Variants in RBFOX1 observed in about 807,000 individuals in gnomAD.
RBFOX1 encodes the protein RNA binding fox-1 homolog 1, also known as RNA binding protein fox-1 homolog 1.
A neutral mutation model predicts 57.7 loss-of-function variants in RBFOX1; 8 were observed. The ratio of observed to expected loss-of-function variants is 0.14; its 90% CI spans 0.08 to 0.25. The LOEUF (loss-of-function observed/expected upper bound fraction) is 0.25. Ranked by LOEUF, RBFOX1 falls within the 10% of genes least tolerant of loss-of-function variation. The pLI is 1.00. For missense variants in RBFOX1, 611 were observed against 548.5 expected, an observed-to-expected ratio of 1.11 and a Z score of -1.14; for synonymous variants, 326 against 222.4, an observed-to-expected ratio of 1.47 and a Z score of -4.15.
At chr16:5,567,625 A>C (rs903535573) in intron 2 of RBFOX1, among the ~76,000 whole-genome samples, 1 of 96,282 alleles carries the variant, frequency 1.0e-5, no homozygotes, top group East Asian at 4.2e-4. Flanking sequence ...GGGGGTATTC[A>C]GGTTATAGGC....
chr16:5,323,942 T>A (rs2064486734), intron 1 of RBFOX1, among the ~76,000 whole-genome samples: 1 of 152,212 alleles, frequency 6.6e-6, no homozygotes, highest in South Asian at 2.1e-4. Flanking sequence ...ACAGAGACGA[T>A]GTTATTTTTG....
chr16:5,451,672 G>T (rs1017596749), intron 1 of RBFOX1, among the ~76,000 whole-genome samples: 7 of 152,194 alleles, frequency 4.6e-5, no homozygotes, highest in African/African-American at 1.7e-4. Flanking sequence ...GGCTTCAAAG[G>T]AAGGAGAGAG....
chr16:5,493,338 C>T (rs948193742), intron 2 of RBFOX1, among the ~76,000 whole-genome samples: 1 of 152,190 alleles, frequency 6.6e-6, no homozygotes, highest in Non-Finnish European at 1.5e-5. Context: ...TCCCAAAGTC[C>T]TATGACCCAC....
intron 1 of RBFOX1, among the ~76,000 whole-genome samples, chr16:6,020,317 G>T (rs1452189277): frequency 6.6e-6 from 1 of 152,096 alleles, no homozygotes; most frequent in Non-Finnish European, 1.5e-5. Flanking sequence ...GGAGCAGCGG[G>T]AGCCTGCCTG....
chr16:7,340,443 C>G (rs2096870805), intron 4 of RBFOX1, among the ~76,000 whole-genome samples: 1 of 152,194 alleles, frequency 6.6e-6, no homozygotes, highest in Non-Finnish European at 1.5e-5. Flanking sequence ...GCAGGGATGG[C>G]TGTTTTACCT....
At chr16:6,968,204 G>T (rs139332378) in intron 3 of RBFOX1, among the ~76,000 whole-genome samples, 1 of 152,184 alleles carries the variant, frequency 6.6e-6, no homozygotes, top group South Asian at 2.1e-4. Context: ...TTTCAGTTCA[G>T]AGTGACTGAC....
chr16:7,140,616 C>T (rs1330514811), intron 4 of RBFOX1, among the ~76,000 whole-genome samples: 4 of 152,098 alleles, frequency 2.6e-5, no homozygotes, highest in Admixed American at 6.6e-5. Flanking sequence ...AAGAATGTGG[C>T]ATATTTCTAG....
At chr16:6,787,151 G>C (rs1399355899) in intron 3 of RBFOX1, among the ~76,000 whole-genome samples, 1 of 152,142 alleles carries the variant, frequency 6.6e-6, no homozygotes, top group Admixed American at 6.5e-5. Context: ...AAGAAACGTT[G>C]ATGAAACATT....
chr16:5,998,409 A>C (rs1351973440), intron 4 of RBFOX1, among the ~76,000 whole-genome samples: 1 of 152,260 alleles, frequency 6.6e-6, no homozygotes, highest in African/African-American at 2.4e-5. Context: ...AATAATCAGT[A>C]GTTTAAATCA....
At chr16:6,155,574 G>A (rs1006541647) in intron 1 of RBFOX1, among the ~76,000 whole-genome samples, 5 of 152,324 alleles carry the variant, frequency 3.3e-5, no homozygotes, top group Middle Eastern at 3.4e-3. Context: ...TGACCAGAAG[G>A]CATTGCCGTC....
intron 1 of RBFOX1, among the ~76,000 whole-genome samples, chr16:6,072,537 T>A (rs1030163651): frequency 6.6e-5 from 10 of 152,304 alleles, no homozygotes; most frequent in African/African-American, 2.4e-4. Context: ...TTATACTCTT[T>A]TTCCATAGTG....
At chr16:5,669,837 A>G (rs1283198482) in intron 3 of RBFOX1, among the ~76,000 whole-genome samples, 2 of 152,228 alleles carry the variant, frequency 1.3e-5, no homozygotes, top group Non-Finnish European at 2.9e-5. Flanking sequence ...GGGCCCAGCA[A>G]TTCTTTTGTC....
At chr16:7,488,616 C>G (rs1175308193) in intron 4 of RBFOX1, among the ~76,000 whole-genome samples, 4 of 152,152 alleles carry the variant, frequency 2.6e-5, no homozygotes, top group African/African-American at 9.7e-5. Context: ...CCGTTACACA[C>G]CTATCTACTA....
At chr16:7,624,902 C>T (rs74918514) in intron 10 of RBFOX1, among the ~76,000 whole-genome samples, 5,739 of 152,128 alleles carry the variant, frequency 0.038, 147 homozygotes, top group Non-Finnish European at 0.056. Flanking sequence ...TGTGAACACA[C>T]GTGGAGTGGT....
At chr16:6,521,586 T>G (rs1366545798) in intron 2 of RBFOX1, among the ~76,000 whole-genome samples, 2 of 151,588 alleles carry the variant, frequency 1.3e-5, no homozygotes, top group Non-Finnish European at 2.9e-5. Flanking sequence ...CTTTAATCTT[T>G]TTTCCTTAAA....
At chr16:5,581,566 C>G (rs545149763) in intron 2 of RBFOX1, among the ~76,000 whole-genome samples, 2 of 152,132 alleles carry the variant, frequency 1.3e-5, no homozygotes, top group African/African-American at 4.8e-5. Context: ...GCTGCAAGAG[C>G]ATGTTACAGG....
chr16:5,637,809 G>C (rs2048732284), intron 3 of RBFOX1, among the ~76,000 whole-genome samples: 1 of 152,102 alleles, frequency 6.6e-6, no homozygotes, highest in Admixed American at 6.5e-5. Flanking sequence ...GTGGTGAGGA[G>C]GGAGGGCCAC....
chr16:5,803,133 T>A (rs1302404214), intron 3 of RBFOX1, among the ~76,000 whole-genome samples: 1 of 152,092 alleles, frequency 6.6e-6, no homozygotes, highest in East Asian at 1.9e-4. Context: ...GGTCTCTCCA[T>A]CCGCTGTATC....
intron 4 of RBFOX1, among the ~76,000 whole-genome samples, chr16:7,201,244 G>T (rs995876316): frequency 1.3e-5 from 2 of 152,140 alleles, no homozygotes; most frequent in African/African-American, 2.4e-5. Context: ...AGGAATGCCA[G>T]ATACCAAAGT....
Sources: gnomAD v4.1 joint callset for allele counts (sites outside exome capture counted in the v4.1 genomes callset) on GRCh38, gnomAD v4.1.1 for gene constraint, MANE v1.5 for transcripts, NCBI Gene and HGNC (gene_info 2026-07-23, HGNC 2026-07-21) for gene names.